ACACA: variants seen among roughly 807,000 people sequenced by gnomAD.
ACACA encodes the protein acetyl-CoA carboxylase 1.
Under a neutral mutation model 296.1 loss-of-function variants are expected in ACACA, and 103 were observed. The ratio of observed to expected loss-of-function variants is 0.35; its 90% CI spans 0.30 to 0.41. ACACA has a LOEUF of 0.41. Ranked by LOEUF, ACACA falls within the 10% of genes least tolerant of loss-of-function variation. The probability of loss-of-function intolerance (pLI) is 1.00; values close to 1 mark genes in which losing one functional copy is unlikely to be tolerated. For missense variants in ACACA, 1,554 were observed against 2,989.7 expected (o/e 0.52, Z 11.20); for synonymous variants, 953 against 1,038.6 (o/e 0.92, Z 1.58).
intron 33 of ACACA, among the ~76,000 whole-genome samples, chr17:37,201,760 C>T (rs531577511): frequency 2.1e-4 from 32 of 152,176 alleles, no homozygotes; most frequent in Admixed American, 7.2e-4. Flanking sequence ...ATAACTCCAA[C>T]CAAGAGATAT....
chr17:37,165,338 C>A (rs567998437), intron 41 of ACACA, among the ~76,000 whole-genome samples: 39 of 152,180 alleles, frequency 2.6e-4, no homozygotes, highest in African/African-American at 9.4e-4. Flanking sequence ...GCTTTGGAGT[C>A]CAACAAACTT....
At chr17:37,157,357 G>A (rs2076291439) in intron 42 of ACACA, among the ~76,000 whole-genome samples, 1 of 152,120 alleles carries the variant, frequency 6.6e-6, no homozygotes, top group African/African-American at 2.4e-5. Context: ...ATGGTCAGGG[G>A]AGGCTGTAGC....
In ACACA at chr17:37,086,735, T is replaced by G; in HGVS notation, c.*581A>C. The G allele has an allele frequency of 6.3e-6, 1 of 157,822 alleles. No homozygotes were observed. 9.8% of individuals were successfully genotyped at this position (157,822 alleles called of 1,614,324 possible). On this transcript the variant is annotated 3_prime_UTR_variant, in exon 56 of 56. Coordinates refer to ENST00000616317, the MANE Select transcript of ACACA (RefSeq NM_198834.3). ...GAGTTCCTATGGAGCTTGTAGTAGA[T>G]TTTATGCTCTAATTTTTCTTCATAA...
At position 37,406,309 on chromosome 17, in the gene ACACA, A is replaced by C. The variant is rs753148332; in HGVS notation, c.-10T>G. 2.5e-6 allele frequency: 4 copies of C among 1,614,150 alleles called. No homozygotes were observed. The highest frequency in any genetic ancestry group is 3.4e-6 in the Non-Finnish European group (4 of 1,180,000). On this transcript the variant is annotated 5_prime_UTR_variant, in exon 1 of 56. An upstream start codon of the reference 5' UTR is lost. Coordinates refer to ENST00000616317, the MANE Select transcript of ACACA (RefSeq NM_198834.3). Reference sequence around the variant, plus strand: ...GAGTAGACCACCACATCCTCTCATCATTGCGCCTCAATTTGGGCCTCTGAA... The same window carrying C: ...GAGTAGACCACCACATCCTCTCATCCTTGCGCCTCAATTTGGGCCTCTGAA...
At chr17:37,198,162 G>C (rs1314381621) in intron 35 of ACACA, among the ~76,000 whole-genome samples, 1 of 152,128 alleles carries the variant, frequency 6.6e-6, no homozygotes, top group Non-Finnish European at 1.5e-5. Flanking sequence ...AGATAAGAAA[G>C]GGTTTTTTTA....
Position 37,393,864 on chromosome 17 carries a change from T to G in ACACA, c.38+12398A>C, listed in dbSNP as rs146460551. ...AATTTGGGTAACATTTGTACTGACT[T>G]TATAGAAATTCACAGACAGAATCAA... On this transcript the variant is annotated intron_variant, in intron 1 of 55. Coordinates refer to ENST00000616317, the MANE Select transcript of ACACA (RefSeq NM_198834.3). Among the ~76,000 whole-genome samples, 47 of 152,156 alleles carry G rather than the reference T, an allele frequency of 3.1e-4. 1 individual carries two copies. The highest frequency in any genetic ancestry group is 1.1e-3 in the African/African-American group (47 of 41,526).
intron 50 of ACACA, among the ~76,000 whole-genome samples, chr17:37,115,397 C>T (rs2143001962): frequency 6.6e-6 from 1 of 151,828 alleles, no homozygotes; most frequent in South Asian, 2.1e-4. Flanking sequence ...GAACAAGTAA[C>T]AGAAAAGTGT....
intron 3 of ACACA, among the ~76,000 whole-genome samples, chr17:37,295,299 A>ATT (rs2083275025): frequency 6.6e-6 from 1 of 152,168 alleles, no homozygotes; most frequent in Non-Finnish European, 1.5e-5. Context: ...AGAGACTGAG[A>ATT]TTCCCCTGTA....
Position 37,200,190 on chromosome 17 carries a change from A to G in ACACA, c.4114-7T>C, listed in dbSNP as rs199920234. ...TGACCTGCTTTCTGAAATCCTTTCA[A>G]ATAAAAGAGAGAAAGGAAGGAAAGA... is the stretch of plus-strand genomic sequence containing the variant. On this transcript the variant is annotated splice_polypyrimidine_tract_variant and splice_region_variant and intron_variant, in intron 34 of 55. Coordinates refer to ENST00000616317, the MANE Select transcript of ACACA (RefSeq NM_198834.3). The G allele has an allele frequency of 1.9e-6, 3 of 1,605,322 alleles. No individual in the cohort carries two copies. The highest frequency in any genetic ancestry group is 2.7e-5 in the African/African-American group (2 of 74,788).
intron 48 of ACACA, among the ~76,000 whole-genome samples, chr17:37,125,423 C>T (rs1234679998): frequency 1.3e-5 from 2 of 152,074 alleles, no homozygotes; most frequent in East Asian, 1.9e-4. Context: ...TGTAGTTGGG[C>T]TTTACAGCTC....
At chr17:37,262,826 G>A (rs1473366887) in intron 11 of ACACA, among the ~76,000 whole-genome samples, 1 of 152,058 alleles carries the variant, frequency 6.6e-6, no homozygotes, top group Non-Finnish European at 1.5e-5. Context: ...ACCTCCCAGT[G>A]TCAAGTGATC....
chr17:37,257,480 C>A (rs181968953), intron 14 of ACACA, among the ~76,000 whole-genome samples: 3 of 152,230 alleles, frequency 2.0e-5, no homozygotes, highest in Admixed American at 2.0e-4. Flanking sequence ...AGGAAAAATA[C>A]TTCAAAAGGC....
At chr17:37,287,551 G>A (rs2082833603) in intron 3 of ACACA, among the ~76,000 whole-genome samples, 1 of 144,298 alleles carries the variant, frequency 6.9e-6, no homozygotes, top group Admixed American at 7.1e-5. Context: ...GGCCAACATG[G>A]CGAAACCACG....
At chr17:37,231,338 T>C (rs1234681899) in intron 25 of ACACA, among the ~76,000 whole-genome samples, 5 of 152,134 alleles carry the variant, frequency 3.3e-5, no homozygotes, top group African/African-American at 1.2e-4. Context: ...TTATGTGTAA[T>C]GCCCTCAAGA....
Position 37,303,839 on chromosome 17 carries a change from C to T in ACACA, c.339-18869G>A, listed in dbSNP as rs546585068. Among the ~76,000 whole-genome samples the T allele has an allele frequency of 4.0e-4, 61 of 152,282 alleles. No individual in the cohort carries two copies. The Middle Eastern group carries it at 0.014, about 34-fold the overall frequency. ...CGCCATTGCATTCCAGCCTGGGCAA[C>T]AGAGCGAGACTCCGTCTCAAAAAAA... On this transcript the variant is annotated intron_variant, in intron 3 of 55. Coordinates refer to ENST00000616317, the MANE Select transcript of ACACA (RefSeq NM_198834.3).
chr17:37,217,391 A>G (rs1204456614), intron 29 of ACACA, among the ~76,000 whole-genome samples: 1 of 151,994 alleles, frequency 6.6e-6, no homozygotes, highest in East Asian at 1.9e-4. Context: ...TGTCTACTTC[A>G]AAAACACCTA....
intron 45 of ACACA, among the ~76,000 whole-genome samples, chr17:37,132,648 G>C (rs1406185864): frequency 6.6e-6 from 1 of 152,196 alleles, no homozygotes; most frequent in African/African-American, 2.4e-5. Flanking sequence ...CCAGAAGAGA[G>C]AGCTGGGCCA....
chr17:37,391,269 T>C (rs2050872933), intron 1 of ACACA, among the ~76,000 whole-genome samples: 2 of 152,154 alleles, frequency 1.3e-5, no homozygotes, highest in African/African-American at 2.4e-5. Context: ...AGCAATCTTA[T>C]ATACATTATC....
At chr17:37,220,963 T>C (rs1335332788) in intron 29 of ACACA, among the ~76,000 whole-genome samples, 1 of 152,206 alleles carries the variant, frequency 6.6e-6, no homozygotes, top group Non-Finnish European at 1.5e-5. Flanking sequence ...GTATTTATAT[T>C]TCCTGTGGTA....
Sources: allele counts gnomAD v4.1 joint callset (sites outside exome capture counted in the v4.1 genomes callset), GRCh38; gene constraint gnomAD v4.1.1; transcripts MANE v1.5; gene names NCBI Gene and HGNC (gene_info 2026-07-23, HGNC 2026-07-21).